The following CTNNA2 variants were observed in gnomAD, a reference collection of about 807,000 sequenced individuals.
CTNNA2 encodes the protein catenin alpha-2.
Under a neutral mutation model 101.0 loss-of-function variants are expected in CTNNA2, and 42 were observed. The ratio of observed to expected loss-of-function variants is 0.42; its 90% confidence interval spans 0.32 to 0.54. CTNNA2 has a LOEUF of 0.54. Among genes scored for constraint, CTNNA2 ranks in the 20% least tolerant of loss-of-function variants. CTNNA2 has a pLI of 0.14. For missense variants in CTNNA2, 871 were observed against 1,223.1 expected (o/e 0.71, Z 4.29); for synonymous variants, 450 against 456.4 (o/e 0.99, Z 0.18).
At chr2:79,564,084 C>T (rs1216709205) in intron 1 of CTNNA2, among the ~76,000 whole-genome samples, 1 of 152,016 alleles carries the variant, frequency 6.6e-6, no homozygotes, top group African/African-American at 2.4e-5. Flanking sequence ...CGTGGGTTTG[C>T]GTATCACCTA....
At chr2:79,716,130 T>C (rs1053259044) in intron 2 of CTNNA2, among the ~76,000 whole-genome samples, 7 of 151,698 alleles carry the variant, frequency 4.6e-5, no homozygotes, top group African/African-American at 1.5e-4. Flanking sequence ...CAAAATTGGG[T>C]GTACAGGGCC....
chr2:80,347,967 G>A (rs753006519), intron 7 of CTNNA2, among the ~76,000 whole-genome samples: 3 of 151,658 alleles, frequency 2.0e-5, no homozygotes, highest in Non-Finnish European at 4.4e-5. Flanking sequence ...CAGAGTGCCC[G>A]ATTTTATTGG....
chr2:79,534,239 A>G (rs1455519502), intron 1 of CTNNA2, among the ~76,000 whole-genome samples: 1 of 152,052 alleles, frequency 6.6e-6, no homozygotes, highest in Non-Finnish European at 1.5e-5. Flanking sequence ...TTATGGCTAC[A>G]TTTTATTACA....
chr2:79,830,312 A>G (rs2069090), intron 3 of CTNNA2, among the ~76,000 whole-genome samples: 5,885 of 152,176 alleles, frequency 0.039, 395 homozygotes, highest in African/African-American at 0.13. Context: ...GAGTCCTGGC[A>G]CTGACTTGGA....
chr2:79,651,941 C>G (rs1022647454), intron 2 of CTNNA2, among the ~76,000 whole-genome samples: 1 of 152,148 alleles, frequency 6.6e-6, no homozygotes, highest in Non-Finnish European at 1.5e-5. Context: ...GGTTCAAAGT[C>G]TAAATAAACT....
intron 2 of CTNNA2, among the ~76,000 whole-genome samples, chr2:79,229,415 G>C (rs1416611671): frequency 6.6e-6 from 1 of 152,078 alleles, no homozygotes; most frequent in Admixed American, 6.6e-5. Context: ...GGTTTATCAG[G>C]GGTTTCCGCT....
chr2:80,001,535 G>C (rs181968788), intron 7 of CTNNA2, among the ~76,000 whole-genome samples: 3 of 152,268 alleles, frequency 2.0e-5, no homozygotes, highest in East Asian at 3.9e-4. Flanking sequence ...AGAAATGGAG[G>C]CTGAACATTT....
chr2:79,817,293 C>A (rs1677589407), intron 3 of CTNNA2, among the ~76,000 whole-genome samples: 1 of 143,166 alleles, frequency 7.0e-6, no homozygotes, highest in Admixed American at 7.2e-5. Flanking sequence ...CCAGAAAGTG[C>A]AGAATAATGT....
intron 7 of CTNNA2, among the ~76,000 whole-genome samples, chr2:80,133,645 G>A (rs766207177): frequency 2.6e-5 from 4 of 152,142 alleles, no homozygotes; most frequent in Non-Finnish European, 4.4e-5. Context: ...GAAAAAAATT[G>A]TGCATTGTTC....
intron 7 of CTNNA2, among the ~76,000 whole-genome samples, chr2:79,929,360 T>C (rs928788450): frequency 2.0e-5 from 3 of 152,130 alleles, no homozygotes; most frequent in Non-Finnish European, 4.4e-5. Flanking sequence ...AAGAACTCTT[T>C]TGTAAAAGAA....
intron 9 of CTNNA2, among the ~76,000 whole-genome samples, chr2:80,477,542 T>G (rs1685822792): frequency 6.6e-6 from 1 of 152,094 alleles, no homozygotes; most frequent in Admixed American, 6.6e-5. Context: ...CTCCATTCGT[T>G]ATACTACTCT....
chr2:80,594,083 C>G (rs1696738925), intron 15 of CTNNA2, among the ~76,000 whole-genome samples: 1 of 152,064 alleles, frequency 6.6e-6, no homozygotes, highest in African/African-American at 2.4e-5. Flanking sequence ...ATTTTACATT[C>G]CCACCAGCAA....
chr2:80,565,037 AAATTAAAT>A (rs1693931654), intron 12 of CTNNA2, among the ~76,000 whole-genome samples: 1 of 152,224 alleles, frequency 6.6e-6, no homozygotes, highest in Admixed American at 6.5e-5. Context: ...CAAGTGATGT[AAATTAAAT>A]AATTAAAGTG....
At chr2:79,213,509 A>T (rs1028279861) in intron 2 of CTNNA2, among the ~76,000 whole-genome samples, 2 of 152,184 alleles carry the variant, frequency 1.3e-5, no homozygotes, top group African/African-American at 4.8e-5. Context: ...GCAGAGCAGT[A>T]GCCTTAATGA....
chr2:80,444,120 G>T (rs1265189894), intron 9 of CTNNA2, among the ~76,000 whole-genome samples: 1 of 152,188 alleles, frequency 6.6e-6, no homozygotes. Context: ...TTCCCTGTGA[G>T]AAAATATTGG....
At chr2:79,575,166 G>A (rs186311274) in intron 1 of CTNNA2, among the ~76,000 whole-genome samples, 210 of 152,242 alleles carry the variant, frequency 1.4e-3, no homozygotes, top group African/African-American at 4.8e-3. Flanking sequence ...AGAATCCTAT[G>A]ATGGAATGTA....
chr2:79,219,920 C>T (rs950278203), intron 2 of CTNNA2, among the ~76,000 whole-genome samples: 1 of 152,152 alleles, frequency 6.6e-6, no homozygotes, highest in Non-Finnish European at 1.5e-5. Context: ...TTCCTTTGTT[C>T]TGCTATTCGA....
intron 7 of CTNNA2, chr2:80,313,518 T>G: frequency 6.3e-7 from 1 of 1,595,612 alleles, no homozygotes; most frequent in Non-Finnish European, 8.5e-7. Flanking sequence ...TTTTTCTAGC[T>G]AATTGAGCAA....
upstream of CTNNA2, among the ~76,000 whole-genome samples, chr2:79,508,451 C>T (rs895367963): frequency 1.3e-5 from 2 of 152,010 alleles, no homozygotes; most frequent in African/African-American, 4.8e-5. Flanking sequence ...GAAAGTAAAT[C>T]TATTAGGGAA....
Sources: allele counts gnomAD v4.1 joint callset (sites outside exome capture counted in the v4.1 genomes callset), GRCh38; gene constraint gnomAD v4.1.1; transcripts MANE v1.5; gene names NCBI Gene and HGNC (gene_info 2026-07-23, HGNC 2026-07-21).